ITPR2: variants seen among roughly 807,000 people sequenced by gnomAD.
The protein encoded by ITPR2 is inositol 1,4,5-trisphosphate-gated calcium channel ITPR2.
Under a neutral mutation model 317.1 loss-of-function variants are expected in ITPR2, and 207 were observed. The observed-to-expected ratio is 0.65, with a 90% CI of 0.58 to 0.73. The LOEUF is 0.73. Ranked by LOEUF, ITPR2 falls within the 30% of genes least tolerant of loss-of-function variation. The pLI is 0.00. For synonymous variants in ITPR2, 1,156 were observed against 1,149.1 expected, an observed-to-expected ratio of 1.01 and a Z score of -0.12; for missense variants, 2,613 against 3,284.0, an observed-to-expected ratio of 0.80 and a Z score of 4.99.
intron 46 of ITPR2, among the ~76,000 whole-genome samples, chr12:26,442,348 A>T (rs1941505210): frequency 6.6e-6 from 1 of 152,164 alleles, no homozygotes; most frequent in South Asian, 2.1e-4. Context: ...ATTATCTTCT[A>T]TATGTGTGAA....
intron 55 of ITPR2, among the ~76,000 whole-genome samples, chr12:26,376,842 C>T (rs1194058124): frequency 6.6e-6 from 1 of 152,090 alleles, no homozygotes; most frequent in East Asian, 1.9e-4. Flanking sequence ...AATCCTCCTG[C>T]CTCAGCCTCC....
At chr12:26,782,066 A>AGCGAGC in intron 2 of ITPR2, among the ~76,000 whole-genome samples, 1 of 136,536 alleles carries the variant, frequency 7.3e-6, no homozygotes, top group African/African-American at 2.9e-5. Context: ...AGAGAGAGAG[A>AGCGAGC]GAGAGAGCGA....
At chr12:26,717,055 A>G (rs1948751628) in intron 5 of ITPR2, among the ~76,000 whole-genome samples, 2 of 152,154 alleles carry the variant, frequency 1.3e-5, no homozygotes, top group Admixed American at 6.5e-5. Flanking sequence ...TTTAATTTCC[A>G]TTATTAAAGT....
At chr12:26,644,482 C>T (rs191310635) in intron 21 of ITPR2, among the ~76,000 whole-genome samples, 1 of 152,178 alleles carries the variant, frequency 6.6e-6, no homozygotes, top group African/African-American at 2.4e-5. Context: ...ACCCGATACT[C>T]GGTAACTTAT....
chr12:26,651,135 T>C (rs1378020637), intron 21 of ITPR2, among the ~76,000 whole-genome samples: 1 of 152,188 alleles, frequency 6.6e-6, no homozygotes, highest in Non-Finnish European at 1.5e-5. Flanking sequence ...TTGTCTTTTA[T>C]TTCCAAATGT....
intron 37 of ITPR2, among the ~76,000 whole-genome samples, chr12:26,497,155 C>CTTTT (rs573079284): frequency 7.4e-5 from 10 of 134,420 alleles, no homozygotes; most frequent in African/African-American, 2.6e-4. Context: ...ATTTCTCTCT[C>CTTTT]TTTTTTTTTT....
rs751924668 is a variant in ITPR2 at position 26,411,337 on chromosome 12, A to C, written c.7382T>G (p.Ile2461Ser). Reference protein sequence around the residue: ...ACAKENCSPTIPASNTADEEY... With the variant: ...ACAKENCSPTSPASNTADEEY... ...CTACAAACCTGTATTTGAAGCTGGA[A>C]TTGTGGGTGAACAGTTCTCCTTGGC... The change falls in exon 52 of 57, where the codon ATT (isoleucine) becomes AGT (serine). Residue 2461 changes from isoleucine to serine, a missense_variant. By Grantham distance (142) the Ile-to-Ser change is moderately radical. Transcript: ENST00000381340. 2.5e-6 allele frequency: 4 copies of C among 1,613,180 alleles called. No homozygotes were observed. The African/African-American group carries it at 5.3e-5, about 22-fold the overall frequency.
Position 26,724,682 on chromosome 12 carries a change from T to C in ITPR2, c.340A>G (p.Ile114Val). 2 of 1,600,360 alleles carry C rather than the reference T, an allele frequency of 1.2e-6. No homozygotes were observed. The highest frequency in any genetic ancestry group is 1.7e-6 in the Non-Finnish European group (2 of 1,169,264). The change falls in exon 4 of 57, where the codon ATT (isoleucine) becomes GTT (valine). Residue 114 changes from isoleucine to valine, a missense_variant. Physicochemically the swap from Ile to Val is conservative, Grantham distance 29. Transcript: ENST00000381340. ...ESENKKLLGE[I>V]VKYSNVIQLL... ...TGTATAACATTACTGTATTTTACAA[T>C]TTCTCCCAACAGTTTCTTATTCTCC...
At chr12:26,532,976 G>A (rs965026440) in intron 37 of ITPR2, among the ~76,000 whole-genome samples, 19 of 152,106 alleles carry the variant, frequency 1.2e-4, no homozygotes, top group African/African-American at 4.1e-4. Flanking sequence ...GTGAGCCACC[G>A]TGCCCGGCCC....
chr12:26,428,136 A>T, intron 48 of ITPR2, 48 bp from the exon 49 acceptor site: 1 of 1,423,526 alleles, frequency 7.0e-7, no homozygotes, highest in Non-Finnish European at 9.5e-7. Context: ...AAAACTAAAA[A>T]ATGCTAAAAT....
At chr12:26,595,430 T>C in intron 32 of ITPR2, 35 bp downstream of exon 32, 1 of 1,585,352 alleles carries the variant, frequency 6.3e-7, no homozygotes, top group South Asian at 1.2e-5. Context: ...TCGAAATATC[T>C]ATTGACACCC....
chr12:26,579,995 G>C (rs752742458), intron 33 of ITPR2, 32 bp downstream of exon 33: 2 of 1,589,642 alleles, frequency 1.3e-6, no homozygotes, highest in Admixed American at 1.8e-5. Flanking sequence ...GAAACTCTTT[G>C]CAACAGAATG....
chr12:26,375,370 T>C (rs1210494587), intron 55 of ITPR2, among the ~76,000 whole-genome samples: 1 of 152,232 alleles, frequency 6.6e-6, no homozygotes, highest in Non-Finnish European at 1.5e-5. Flanking sequence ...ATACTGAACA[T>C]GTCCAAGTTA....
intron 13 of ITPR2, among the ~76,000 whole-genome samples, chr12:26,668,638 C>T (rs1592016580): frequency 6.6e-6 from 1 of 152,288 alleles, no homozygotes; most frequent in Non-Finnish European, 1.5e-5. Flanking sequence ...AGCCACCATA[C>T]AGTATCAGGA....
intron 1 of ITPR2, among the ~76,000 whole-genome samples, chr12:26,827,963 G>A (rs1018312267): frequency 2.6e-5 from 4 of 152,104 alleles, no homozygotes; most frequent in African/African-American, 9.7e-5. Flanking sequence ...AAAAATATAA[G>A]CATAATGTAG....
intron 34 of ITPR2, among the ~76,000 whole-genome samples, chr12:26,574,686 C>T (rs1236175201): frequency 2.6e-5 from 4 of 152,094 alleles, no homozygotes; most frequent in Non-Finnish European, 4.4e-5. Flanking sequence ...CGTCGTTCTG[C>T]GGGCCATACA....
chr12:26,781,330 C>T (rs1030504125), intron 2 of ITPR2, among the ~76,000 whole-genome samples: 4 of 152,198 alleles, frequency 2.6e-5, no homozygotes, highest in African/African-American at 7.2e-5. Context: ...ATTTCCTCCT[C>T]CTTTTGCTAA....
At chr12:26,517,221 A>G (rs1405552645) in intron 37 of ITPR2, among the ~76,000 whole-genome samples, 1 of 152,174 alleles carries the variant, frequency 6.6e-6, no homozygotes, top group East Asian at 1.9e-4. Flanking sequence ...TAAAGTAGTG[A>G]TAACAGCCAA....
chr12:26,509,926 G>T (rs935680553), intron 37 of ITPR2, among the ~76,000 whole-genome samples: 1 of 129,860 alleles, frequency 7.7e-6, no homozygotes, highest in African/African-American at 2.9e-5. Context: ...AAAGATCCCA[G>T]AATTTATTTT....
Sources: gnomAD v4.1 joint callset for allele counts (sites outside exome capture counted in the v4.1 genomes callset) on GRCh38, gnomAD v4.1.1 for gene constraint, MANE v1.5 for transcripts, NCBI Gene and HGNC (gene_info 2026-07-23, HGNC 2026-07-21) for gene names.